KCTD8: variants seen among roughly 807,000 people sequenced by gnomAD.
The protein encoded by KCTD8 is potassium channel tetramerization domain containing 8.
In KCTD8, 27 loss-of-function variants were observed where a neutral mutation model predicts 31.5. The ratio of observed to expected loss-of-function variants is 0.86; its 90% CI spans 0.63 to 1.18. KCTD8 has a LOEUF of 1.18. Among genes scored for constraint, KCTD8 ranks in the 50% most tolerant of loss-of-function variants. The pLI, the probability that KCTD8 is intolerant of heterozygous loss-of-function variation, is 0.00. For missense variants in KCTD8, 658 were observed against 647.7 expected, an observed-to-expected ratio of 1.02 and a Z score of -0.17; for synonymous variants, 290 against 280.0, an observed-to-expected ratio of 1.04 and a Z score of -0.36.
chr4:44,411,311 G>A lies in KCTD8; in HGVS notation c.961+36252C>T, dbSNP rs181108644. Among the ~76,000 whole-genome samples the A allele has an allele frequency of 6.0e-3, 891 of 148,138 alleles. 8 individuals are homozygous for A. The highest frequency in any genetic ancestry group is 0.015 in the South Asian group (70 of 4,636). On this transcript the variant is annotated intron_variant, in intron 1 of 1. Coordinates refer to ENST00000360029, the MANE Select transcript of KCTD8 (RefSeq NM_198353.3). ...GAGAAACGACTGATCCCAAGAGGTC[G>A]AGGCTGCAGTGAGCCATGAATGTGC...
At chr4:44,334,189 A>G (rs548209987) in intron 1 of KCTD8, among the ~76,000 whole-genome samples, 1 of 152,230 alleles carries the variant, frequency 6.6e-6, no homozygotes, top group South Asian at 2.1e-4. Context: ...AAAGTCACTC[A>G]ATACATTGGT....
At chr4:44,297,441 G>A (rs1303664755) in intron 1 of KCTD8, among the ~76,000 whole-genome samples, 3 of 151,900 alleles carry the variant, frequency 2.0e-5, no homozygotes, top group Admixed American at 2.0e-4. Flanking sequence ...ATAGTCTTAT[G>A]AGATCTTTTT....
intron 1 of KCTD8, among the ~76,000 whole-genome samples, chr4:44,271,941 G>A (rs1419505553): frequency 2.6e-5 from 4 of 151,744 alleles, no homozygotes; most frequent in Admixed American, 6.6e-5. Context: ...CTCTAGTGCC[G>A]CTGGGTTAGG....
At chr4:44,421,834 C>A (rs1288817131) in intron 1 of KCTD8, among the ~76,000 whole-genome samples, 1 of 151,850 alleles carries the variant, frequency 6.6e-6, no homozygotes. Context: ...GGGAGTAAGC[C>A]CAGAATTTTT....
intron 1 of KCTD8, among the ~76,000 whole-genome samples, chr4:44,397,112 CTTAAG>C (rs1720524534): frequency 6.6e-6 from 1 of 152,040 alleles, no homozygotes; most frequent in Admixed American, 6.6e-5. Context: ...TTCTCAGGTT[CTTAAG>C]TTAACTAGAT....
intron 1 of KCTD8, among the ~76,000 whole-genome samples, chr4:44,242,061 G>C (rs1715518168): frequency 6.6e-6 from 1 of 152,156 alleles, no homozygotes; most frequent in Admixed American, 6.5e-5. Flanking sequence ...CCAATCTTCA[G>C]ATCACTGACT....
intron 1 of KCTD8, among the ~76,000 whole-genome samples, chr4:44,436,986 T>C (rs1246445288): frequency 6.6e-6 from 1 of 151,616 alleles, no homozygotes; most frequent in Non-Finnish European, 1.5e-5. Context: ...CCCTAAATAT[T>C]ACATTACTCT....
intron 1 of KCTD8, among the ~76,000 whole-genome samples, chr4:44,367,900 A>T (rs1242005028): frequency 2.6e-5 from 4 of 151,814 alleles, no homozygotes; most frequent in East Asian, 1.9e-4. Flanking sequence ...GAATCGACAG[A>T]GTAAAAAAAA....
chr4:44,281,492 G>A (rs373844420), intron 1 of KCTD8, among the ~76,000 whole-genome samples: 34 of 152,218 alleles, frequency 2.2e-4, no homozygotes, highest in African/African-American at 7.2e-4. Flanking sequence ...CTCTGAACAA[G>A]CTGATGTGTA....
At chr4:44,248,103 T>TA (rs1197911940) in intron 1 of KCTD8, among the ~76,000 whole-genome samples, 4 of 151,954 alleles carry the variant, frequency 2.6e-5, no homozygotes, top group Admixed American at 2.6e-4. Context: ...ATGACTTTTT[T>TA]AACACTTACA....
intron 1 of KCTD8, among the ~76,000 whole-genome samples, chr4:44,374,138 G>A (rs781732350): frequency 6.6e-6 from 1 of 152,066 alleles, no homozygotes; most frequent in Non-Finnish European, 1.5e-5. Context: ...AATTTTTTTA[G>A]ATGACTGCAC....
intron 1 of KCTD8, among the ~76,000 whole-genome samples, chr4:44,333,660 T>C (rs932040509): frequency 1.3e-5 from 2 of 152,074 alleles, no homozygotes; most frequent in Non-Finnish European, 2.9e-5. Context: ...TGGTAATAGG[T>C]AACAGATTAG....
intron 1 of KCTD8, among the ~76,000 whole-genome samples, chr4:44,369,541 C>T (rs903810921): frequency 1.3e-5 from 2 of 152,210 alleles, no homozygotes; most frequent in South Asian, 2.1e-4. Flanking sequence ...CATGGTGGCT[C>T]ACGCCTGTAA....
rs966307782 is a variant in KCTD8 at position 44,200,921 on chromosome 4, C to T, written c.962-25671G>A. ...TACAGAGAAATCACTAAAGACTCTG[C>T]CAAAAGGCTCCTGAAACTGATAAAC... On this transcript the variant is annotated intron_variant, in intron 1 of 1. Coordinates refer to ENST00000360029, the MANE Select transcript of KCTD8 (RefSeq NM_198353.3). Among the ~76,000 whole-genome samples the T allele has an allele frequency of 2.0e-5, 3 of 151,598 alleles. No homozygotes were observed. In the East Asian group the frequency reaches 5.8e-4, roughly 29 times the overall value.
chr4:44,247,391 C>T (rs576314384), intron 1 of KCTD8, among the ~76,000 whole-genome samples: 2 of 151,944 alleles, frequency 1.3e-5, no homozygotes, highest in African/African-American at 4.8e-5. Flanking sequence ...ACTGTTTTTG[C>T]CACTGTTCAT....
intron 1 of KCTD8, among the ~76,000 whole-genome samples, chr4:44,423,395 C>T (rs1308910270): frequency 6.6e-6 from 1 of 152,090 alleles, no homozygotes; most frequent in Non-Finnish European, 1.5e-5. Flanking sequence ...TTAGTAAAAA[C>T]AGCTATGCTG....
At chr4:44,342,366 C>CA (rs34201696) in intron 1 of KCTD8, among the ~76,000 whole-genome samples, 1,689 of 87,140 alleles carry the variant, frequency 0.019, 37 homozygotes, top group African/African-American at 0.05. Flanking sequence ...AAGACTGTCT[C>CA]AAAAAAAAAA....
chr4:44,193,093 A>T (rs1462547337), intron 1 of KCTD8, among the ~76,000 whole-genome samples: 1 of 152,208 alleles, frequency 6.6e-6, no homozygotes, highest in East Asian at 1.9e-4. Context: ...TGACTAATAC[A>T]CCACTAGTTG....
chr4:44,254,815 C>T (rs746394624), intron 1 of KCTD8, among the ~76,000 whole-genome samples: 16 of 151,778 alleles, frequency 1.1e-4, no homozygotes, highest in Non-Finnish European at 2.1e-4. Flanking sequence ...TAGTTGTTTA[C>T]AGTAGGAGGA....
Sources: gnomAD v4.1 joint callset for allele counts (sites outside exome capture counted in the v4.1 genomes callset) on GRCh38, gnomAD v4.1.1 for gene constraint, MANE v1.5 for transcripts, NCBI Gene and HGNC (gene_info 2026-07-23, HGNC 2026-07-21) for gene names.